Variants in MPV17L observed in about 807,000 individuals in gnomAD.
The protein encoded by MPV17L is mpv17-like protein.
MPV17L carries 24 observed loss-of-function variants against 25.8 expected under a neutral mutation model. The observed-to-expected ratio is 0.93, with a 90% CI of 0.67 to 1.31. The LOEUF (loss-of-function observed/expected upper bound fraction) is 1.31, where lower values mean the gene tolerates loss of function less well. Among genes scored for constraint, MPV17L ranks in the 50% most tolerant of loss-of-function variants. The pLI is 0.00. For synonymous variants in MPV17L, 102 were observed against 115.3 expected (o/e 0.88, Z 0.74); for missense variants, 250 against 265.6 (o/e 0.94, Z 0.41).
chr16:15,404,754 G>A (rs178500), intron 2 of MPV17L, among the ~76,000 whole-genome samples: 18,132 of 152,022 alleles, frequency 0.12, 1,384 homozygotes, highest in East Asian at 0.38. Flanking sequence ...CCCGGGAGAC[G>A]GAGATTGTAG....
At chr16:15,401,856 T>A (rs980137747) in intron 2 of MPV17L, among the ~76,000 whole-genome samples, 1 of 152,068 alleles carries the variant, frequency 6.6e-6, no homozygotes, top group African/African-American at 2.4e-5. Flanking sequence ...AAATAATATC[T>A]CTGAATTTTA....
At chr16:15,400,726 A>G (rs1340489881) in intron 1 of MPV17L, 61 bp from the exon 2 acceptor site, 5 of 1,158,674 alleles carry the variant, frequency 4.3e-6, no homozygotes, top group African/African-American at 1.6e-5. Context: ...AAACTTAAAC[A>G]TGAACTGTTA....
rs1468867392 is a variant in MPV17L at position 15,396,193 on chromosome 16, C to T, written c.296C>T (p.Ser99Leu). The change falls in exon 1 of 4, where the codon TCG becomes TTG. Residue 99 changes from serine (S) to leucine (L), a missense_variant. Ser to Leu is a moderately radical substitution (Grantham distance 145). Coordinates refer to ENST00000396385, the MANE Select transcript of MPV17L (RefSeq NM_001128423.2). ...GTGGTCGGTGCGCCCATCGCGGTCT[C>T]GGCCTTCTATGTCGGTGAGGGGCCG... ...DQVVGAPIAV[S>L]AFYVGMSILQ... 2.6e-6 allele frequency: 4 copies of T among 1,549,790 alleles called. No individual in the cohort carries two copies. Among genetic ancestry groups the T allele is most frequent in the African/African-American group, 1.4e-5 (1 of 73,114 alleles).
At chr16:15,401,683 G>A (rs1174934953) in intron 2 of MPV17L, among the ~76,000 whole-genome samples, 1 of 152,060 alleles carries the variant, frequency 6.6e-6, no homozygotes, top group Non-Finnish European at 1.5e-5. Flanking sequence ...AGTCAGGCAC[G>A]GTGGTGCATG....
intron 2 of MPV17L, among the ~76,000 whole-genome samples, chr16:15,401,085 TA>T (rs869127942): frequency 0.011 from 391 of 36,264 alleles, 3 homozygotes; most frequent in African/African-American, 0.024. Context: ...TATATATATA[TA>T]TTTTTTTTTT....
At chr16:15,403,059 C>CTT (rs756233326) in intron 2 of MPV17L, among the ~76,000 whole-genome samples, 9 of 139,540 alleles carry the variant, frequency 6.4e-5, no homozygotes, top group East Asian at 2.1e-4. Context: ...GTACATCTAA[C>CTT]TTTTTTTTTT....
chr16:15,400,783 A>G lies in MPV17L; in HGVS notation c.311-4A>G, dbSNP rs754866943. On this transcript the variant is annotated splice_region_variant and splice_polypyrimidine_tract_variant and intron_variant, in intron 1 of 3. Transcript: ENST00000396385. ...TTAAAATTTTTTTTGGGTTTTGCAA[A>G]TAGGTATGAGCATTCTCCAAGGAAA... 6.3e-7 allele frequency: 1 copy of G among 1,593,468 alleles called. No homozygotes were observed. Among genetic ancestry groups the G allele is most frequent in the Non-Finnish European group, 8.5e-7 (1 of 1,172,176 alleles).
Position 15,412,685 on chromosome 16 carries a change from C to T in MPV17L, c.*4573C>T, listed in dbSNP as rs2150910585. 1 of 151,550 alleles carries T rather than the reference C, an allele frequency of 6.6e-6. No homozygotes were observed. Among genetic ancestry groups the T allele is most frequent in the Admixed American group, 6.6e-5 (1 of 15,200 alleles). The allele number at this position is 151,550 out of a possible 1,614,324, so 9.4% of individuals were successfully genotyped here. On this transcript the variant is annotated 3_prime_UTR_variant, in exon 4 of 4. Coordinates refer to ENST00000396385, the MANE Select transcript of MPV17L (RefSeq NM_001128423.2). The stretch of plus-strand genomic sequence containing the variant: ...CTGTCTCCCGGGTTCACGCCATTCT[C>T]CTGCCTCAGCCCAAGTAGCAGGGAC...
At chr16:15,400,018 G>A (rs1360350815) in intron 1 of MPV17L, among the ~76,000 whole-genome samples, 1 of 152,138 alleles carries the variant, frequency 6.6e-6, no homozygotes, top group African/African-American at 2.4e-5. Flanking sequence ...TGGTCAGGCT[G>A]GTCTTGAACT....
At chr16:15,396,234 G>C (rs1397332661) in intron 1 of MPV17L, 27 bp downstream of exon 1, 2 of 1,544,400 alleles carry the variant, frequency 1.3e-6, no homozygotes, top group Non-Finnish European at 1.7e-6. Flanking sequence ...GGACCTGGGG[G>C]GTGGGACCCA....
chr16:15,395,887 A>G lies in MPV17L; in HGVS notation c.-11A>G. On this transcript the variant is annotated 5_prime_UTR_variant, in exon 1 of 4. Coordinates refer to ENST00000396385, the MANE Select transcript of MPV17L (RefSeq NM_001128423.2). ...CGCGGGCTCCTGATCGCGGGCGCCC[A>G]CAGCGCGGACATGGCGGGCTGGTGG... 7.2e-7 allele frequency: 1 copy of G among 1,390,434 alleles called. No homozygotes were observed. The highest frequency in any genetic ancestry group is 1.6e-5 in the South Asian group (1 of 61,282). 86.1% of individuals were successfully genotyped at this position (1,390,434 alleles called of 1,614,324 possible). A position where few individuals can be genotyped will look rare whatever the true frequency, so the allele number is the denominator to read the frequency against.
chr16:15,403,814 A>C (rs1231011236), intron 2 of MPV17L, among the ~76,000 whole-genome samples: 1 of 152,106 alleles, frequency 6.6e-6, no homozygotes, highest in Non-Finnish European at 1.5e-5. Flanking sequence ...ATCTACCCTC[A>C]GGAGAAGAAA....
rs2050708556 is a variant in MPV17L, at chr16:15,408,981, C to T, written c.*869C>T. 6.6e-6 allele frequency: 1 copy of T among 151,892 alleles called. No individual in the cohort carries two copies. The highest frequency in any genetic ancestry group is 6.6e-5 in the Admixed American group (1 of 15,236). 9.4% of individuals were successfully genotyped at this position (151,892 alleles called of 1,614,324 possible). A position where few individuals can be genotyped will look rare whatever the true frequency, so the allele number is the denominator to read the frequency against. On this transcript the variant is annotated 3_prime_UTR_variant, in exon 4 of 4. Coordinates refer to ENST00000396385, the MANE Select transcript of MPV17L (RefSeq NM_001128423.2). ...TATTTTTAGTAGAGATGAAGTTTCA[C>T]CGTGTTGGCCAGGATGGTCTTGATC...
At chr16:15,400,885 A>G in intron 2 of MPV17L, 28 bp downstream of exon 2, 3 of 1,501,778 alleles carry the variant, frequency 2.0e-6, no homozygotes, top group Non-Finnish European at 2.7e-6. Flanking sequence ...AAATGTAATC[A>G]CTATATTTTT....
rs2050704991 is a variant in MPV17L at position 15,408,684 on chromosome 16, C to A, written c.*572C>A. Reference sequence around the variant, plus strand: ...GTGGCACGATCGCGGCTCACTGCAGCCTCCATCCTCTGGGTTCAAGCAATT... The same window carrying A: ...GTGGCACGATCGCGGCTCACTGCAGACTCCATCCTCTGGGTTCAAGCAATT... On this transcript the variant is annotated 3_prime_UTR_variant, in exon 4 of 4. Transcript: ENST00000396385. The A allele has an allele frequency of 6.8e-6, 1 of 147,876 alleles. No homozygotes were observed. The highest frequency in any genetic ancestry group is 1.5e-5 in the Non-Finnish European group (1 of 67,672). 9.2% of individuals were successfully genotyped at this position (147,876 alleles called of 1,614,324 possible). A position where few individuals can be genotyped will look rare whatever the true frequency, so the allele number is the denominator to read the frequency against.
intron 2 of MPV17L, among the ~76,000 whole-genome samples, chr16:15,402,842 C>T (rs1444118188): frequency 1.3e-5 from 2 of 151,974 alleles, no homozygotes; most frequent in African/African-American, 4.8e-5. Flanking sequence ...CCACATCCAG[C>T]TAATTTTTTG....
intron 1 of MPV17L, among the ~76,000 whole-genome samples, chr16:15,397,904 G>A (rs1406605210): frequency 6.6e-6 from 1 of 152,142 alleles, no homozygotes; most frequent in Non-Finnish European, 1.5e-5. Context: ...GAAGGTCTGT[G>A]CCTGTGCCCG....
In MPV17L at chr16:15,409,229, G is replaced by A. The variant is rs2050711382; in HGVS notation, c.*1117G>A. The A allele has an allele frequency of 1.3e-5, 2 of 151,982 alleles. No individual in the cohort carries two copies. Among genetic ancestry groups the A allele is most frequent in the Non-Finnish European group, 2.9e-5 (2 of 68,044 alleles). The allele number at this position is 151,982 out of a possible 1,614,324, so 9.4% of individuals were successfully genotyped here. ...TCGGAGTAGCTGGGATTACAGGCAG[G>A]TGCCACCATGCCTGGCTCATTTTTG... On this transcript the variant is annotated 3_prime_UTR_variant, in exon 4 of 4. Transcript: ENST00000396385.
In MPV17L at chr16:15,410,121, C is replaced by T. The variant is rs2150909533; in HGVS notation, c.*2009C>T. The T allele has an allele frequency of 6.6e-6, 1 of 152,244 alleles. No individual in the cohort carries two copies. The highest frequency in any genetic ancestry group is 2.1e-4 in the South Asian group (1 of 4,818). The allele number at this position is 152,244 out of a possible 1,614,324, so 9.4% of individuals were successfully genotyped here. On this transcript the variant is annotated 3_prime_UTR_variant, in exon 4 of 4. Coordinates refer to ENST00000396385, the MANE Select transcript of MPV17L (RefSeq NM_001128423.2). ...TTTATTCAGTTCTACACTTTATTAA[C>T]TTCTACACCAGCAGATTTAAAAATT... is the stretch of plus-strand genomic sequence containing the variant.
Sources: allele counts gnomAD v4.1 joint callset (sites outside exome capture counted in the v4.1 genomes callset), GRCh38; gene constraint gnomAD v4.1.1; transcripts MANE v1.5; gene names NCBI Gene and HGNC (gene_info 2026-07-23, HGNC 2026-07-21).